Variants in RAPGEF5 observed in about 807,000 individuals in gnomAD.
The protein encoded by RAPGEF5 is Rap guanine nucleotide exchange factor 5.
Under a neutral mutation model 125.2 loss-of-function variants are expected in RAPGEF5, and 65 were observed. That is an observed-to-expected ratio of 0.52 (90% CI 0.43 to 0.64). The LOEUF (loss-of-function observed/expected upper bound fraction) is 0.64, where lower values mean the gene tolerates loss of function less well. Ranked by LOEUF, RAPGEF5 falls within the 30% of genes least tolerant of loss-of-function variation. The probability of loss-of-function intolerance (pLI) is 0.00; values close to 1 mark genes in which losing one functional copy is unlikely to be tolerated. For synonymous variants in RAPGEF5, 391 were observed against 385.9 expected (o/e 1.01, Z -0.16); for missense variants, 958 against 1,048.1 (o/e 0.91, Z 1.19).
At chr7:22,311,104 C>T (rs906441418) in intron 3 of RAPGEF5, among the ~76,000 whole-genome samples, 9 of 152,242 alleles carry the variant, frequency 5.9e-5, no homozygotes, top group African/African-American at 1.9e-4. Flanking sequence ...CGGCTTACTG[C>T]GACCTCTGCC....
At chr7:22,190,516 A>T (rs976567129) in intron 11 of RAPGEF5, among the ~76,000 whole-genome samples, 1 of 152,136 alleles carries the variant, frequency 6.6e-6, no homozygotes, top group Admixed American at 6.5e-5. Context: ...ATACTATATG[A>T]ATTTAGTTGT....
At chr7:22,291,344 T>C (rs1206439133) in intron 5 of RAPGEF5, 103 bp from the exon 6 acceptor site, 8 of 1,422,182 alleles carry the variant, frequency 5.6e-6, no homozygotes, top group Non-Finnish European at 7.4e-6. Context: ...TGTTATTATA[T>C]TAGCAAAAGT....
intron 7 of RAPGEF5, among the ~76,000 whole-genome samples, chr7:22,239,314 A>G (rs1786265704): frequency 1.3e-5 from 2 of 152,258 alleles, no homozygotes; most frequent in African/African-American, 2.4e-5. Context: ...TTCTATAGAA[A>G]AAGATAATAA....
intron 20 of RAPGEF5, among the ~76,000 whole-genome samples, chr7:22,144,138 A>C (rs7792589): frequency 0.025 from 3,798 of 152,256 alleles, 141 homozygotes; most frequent in African/African-American, 0.087. Context: ...CTGATATTTT[A>C]AGAGATGCTC....
intron 17 of RAPGEF5, among the ~76,000 whole-genome samples, chr7:22,151,126 A>T (rs1404778371): frequency 6.6e-6 from 1 of 152,130 alleles, no homozygotes; most frequent in Non-Finnish European, 1.5e-5. Flanking sequence ...TTTTTTGGTC[A>T]TATAAATTAG....
In RAPGEF5 at chr7:22,134,853, T is replaced by C. The variant is rs117959061; in HGVS notation, c.2416+1185A>G. Among the ~76,000 whole-genome samples the C allele has an allele frequency of 4.1e-4, 63 of 152,364 alleles. 1 individual carries two copies. In the East Asian group the frequency reaches 7.9e-3, roughly 19 times the overall value. On this transcript the variant is annotated intron_variant, in intron 23 of 25. Coordinates refer to ENST00000665637, the MANE Select transcript of RAPGEF5 (RefSeq NM_012294.5). ...TTATTTGGGCACCACAGTGTCTCTT[T>C]ATTTCACGCATTTGTATTTAACAGA...
intron 1 of RAPGEF5, among the ~76,000 whole-genome samples, chr7:22,331,752 A>AAG (rs996778220): frequency 4.0e-5 from 6 of 151,562 alleles, no homozygotes; most frequent in Non-Finnish European, 8.8e-5. Context: ...CTCAAAAAAA[A>AAG]AAAAAAAAAG....
chr7:22,307,455 CT>C (rs1225827647), intron 5 of RAPGEF5, among the ~76,000 whole-genome samples: 1 of 152,036 alleles, frequency 6.6e-6, no homozygotes, highest in African/African-American at 2.4e-5. Context: ...TTATGAAGGT[CT>C]TTTTTTCTGT....
intron 7 of RAPGEF5, among the ~76,000 whole-genome samples, chr7:22,264,186 C>T (rs780990555): frequency 7.9e-5 from 12 of 152,158 alleles, no homozygotes; most frequent in Non-Finnish European, 1.6e-4. Context: ...TTAATCTTTA[C>T]ATGCATCTCT....
rs539247833 is a variant in RAPGEF5, at chr7:22,223,791, A to G, written c.871-3800T>C. ...CAGAAATTCCTTTCTGAAGGCTTCT[A>G]TTTCCCAGAAAAATAAGAAGAGAGT... On this transcript the variant is annotated intron_variant, in intron 8 of 25. Transcript: ENST00000665637. 7.2e-5 allele frequency among the ~76,000 whole-genome samples: 11 copies of G among 152,294 alleles called. No individual in the cohort carries two copies. In the East Asian group the frequency reaches 9.6e-4, roughly 13 times the overall value.
intron 6 of RAPGEF5, among the ~76,000 whole-genome samples, chr7:22,281,729 C>T (rs188312485): frequency 9.2e-4 from 140 of 152,340 alleles, no homozygotes; most frequent in Non-Finnish European, 1.0e-3. Flanking sequence ...AACAGGGTTT[C>T]CTGGGTTAAC....
chr7:22,285,467 C>T (rs1453389656), intron 6 of RAPGEF5, among the ~76,000 whole-genome samples: 5 of 152,100 alleles, frequency 3.3e-5, no homozygotes, highest in Non-Finnish European at 5.9e-5. Context: ...ATTACTGAAC[C>T]AGTATCAATT....
intron 1 of RAPGEF5, 155 bp downstream of exon 1, chr7:22,356,675 G>A: frequency 3.4e-6 from 1 of 296,342 alleles, no homozygotes. Context: ...CTCAAAACCC[G>A]CCGTCCCGGG....
At chr7:22,269,177 T>C (rs1782357161) in intron 6 of RAPGEF5, among the ~76,000 whole-genome samples, 1 of 115,622 alleles carries the variant, frequency 8.6e-6, no homozygotes, top group East Asian at 2.4e-4. Flanking sequence ...AAAAAGTTTT[T>C]GACAAAAAAA....
chr7:22,187,360 T>C (rs1240997577), intron 11 of RAPGEF5, among the ~76,000 whole-genome samples: 4 of 152,240 alleles, frequency 2.6e-5, no homozygotes, highest in African/African-American at 4.8e-5. Flanking sequence ...GTTTTTTTAA[T>C]GGAGCCCAGA....
At chr7:22,263,723 C>T (rs1333697299) in intron 7 of RAPGEF5, among the ~76,000 whole-genome samples, 1 of 147,788 alleles carries the variant, frequency 6.8e-6, no homozygotes, top group Non-Finnish European at 1.5e-5. Flanking sequence ...GAGCGAGACT[C>T]CATCTCAAAA....
At chr7:22,249,933 G>A (rs1786575796) in intron 7 of RAPGEF5, among the ~76,000 whole-genome samples, 1 of 152,180 alleles carries the variant, frequency 6.6e-6, no homozygotes, top group African/African-American at 2.4e-5. Flanking sequence ...ATTAAAAAGT[G>A]CTGCAGGTAA....
chr7:22,154,884 G>A (rs911128768), intron 16 of RAPGEF5, among the ~76,000 whole-genome samples: 6 of 152,180 alleles, frequency 3.9e-5, no homozygotes, highest in Admixed American at 6.5e-5. Context: ...TGAGAGACCC[G>A]AGTCACGCAA....
intron 1 of RAPGEF5, among the ~76,000 whole-genome samples, chr7:22,349,019 G>C (rs959867515): frequency 6.6e-6 from 1 of 151,526 alleles, no homozygotes; most frequent in African/African-American, 2.4e-5. Flanking sequence ...TGAACCCAGA[G>C]GTGGACGTTG....
Sources: gnomAD v4.1 joint callset for allele counts (sites outside exome capture counted in the v4.1 genomes callset) on GRCh38, gnomAD v4.1.1 for gene constraint, MANE v1.5 for transcripts, NCBI Gene and HGNC (gene_info 2026-07-23, HGNC 2026-07-21) for gene names.